The following DCAF4 variants were observed in gnomAD, a reference collection of about 807,000 sequenced individuals.
DCAF4 encodes DDB1- and CUL4-associated factor 4.
A neutral mutation model predicts 60.9 loss-of-function variants in DCAF4; 37 were observed. That is an observed-to-expected ratio of 0.61 (90% CI 0.47 to 0.80). The LOEUF (loss-of-function observed/expected upper bound fraction) is 0.80, where lower values mean the gene tolerates loss of function less well. DCAF4 is among the 30% of genes least tolerant of loss of function. The pLI, the probability that DCAF4 is intolerant of heterozygous loss-of-function variation, is 0.00. For missense variants in DCAF4, 577 were observed against 650.0 expected (o/e 0.89, Z 1.22); for synonymous variants, 243 against 254.8 (o/e 0.95, Z 0.44).
At position 72,954,417 on chromosome 14, in the gene DCAF4, G is replaced by C; in HGVS notation, c.939G>C (p.Val313=). The C allele has an allele frequency of 1.2e-6, 2 of 1,614,168 alleles. No individual in the cohort carries two copies. The highest frequency in any genetic ancestry group is 1.7e-6 in the Non-Finnish European group (2 of 1,180,030). ...GLSRRVLLTN[V]VTGHRQSFGT... ...CTCGGCGGGTCCTGTTGACCAACGT[G>C]GTGACGGGACACCGGCAGTCCTTTG... The change falls in exon 11 of 14, where the codon GTG becomes GTC. Residue 313 remains valine (V), a synonymous_variant. Transcript: ENST00000358377.
chr14:72,947,103 T>C, intron 7 of DCAF4, 39 bp from the exon 8 acceptor site: 1 of 1,613,578 alleles, frequency 6.2e-7, no homozygotes, highest in Non-Finnish European at 8.5e-7. Flanking sequence ...CATATTACTG[T>C]AGAATAACTT....
At chr14:72,954,111 C>T (rs1891945595) in intron 9 of DCAF4, 53 bp from the exon 10 acceptor site, 1 of 1,594,576 alleles carries the variant, frequency 6.3e-7, no homozygotes, top group African/African-American at 1.3e-5. Flanking sequence ...CCCAGTGGTC[C>T]CTGGCCTGCC....
chr14:72,954,557 CCTCTG>C, intron 11 of DCAF4, 74 bp downstream of exon 11: 2 of 833,982 alleles, frequency 2.4e-6, no homozygotes, highest in East Asian at 1.6e-4. Context: ...AAATTGGACT[CCTCTG>C]TGTGCCATCT....
intron 9 of DCAF4, among the ~76,000 whole-genome samples, 157 bp downstream of exon 9, chr14:72,952,034 C>T (rs1431242009): frequency 1.3e-5 from 2 of 151,762 alleles, no homozygotes; most frequent in South Asian, 2.1e-4. Flanking sequence ...GTTTTTTTTA[C>T]AGCATCTGCC....
intron 6 of DCAF4, among the ~76,000 whole-genome samples, chr14:72,944,694 TG>T (rs1266671689): frequency 6.6e-6 from 1 of 151,100 alleles, no homozygotes; most frequent in Non-Finnish European, 1.5e-5. Flanking sequence ...CGGGAGGCTA[TG>T]GTGGGAGTAT....
rs752249688 is a variant in DCAF4 at position 72,951,862 on chromosome 14, G to A, written c.793G>A (p.Val265Ile). The A allele has an allele frequency of 2.4e-5, 39 of 1,613,986 alleles. No homozygotes were observed. The highest frequency in any genetic ancestry group is 1.6e-4 in the South Asian group (15 of 91,080). ...CATLLPASLF[V>I]NSHPGIDRPG... The stretch of plus-strand genomic sequence containing the variant: ...CACCCTGCTCCCAGCATCACTGTTC[G>A]TCAATAGTCACCCAGGTACAGGGTT... Residue 265 changes from valine to isoleucine, a missense_variant, in exon 9 of 14, where the codon GTC becomes ATC. Physicochemically the swap from Val to Ile is conservative, Grantham distance 29. Transcript: ENST00000358377.
intron 1 of DCAF4, among the ~76,000 whole-genome samples, chr14:72,928,706 C>T (rs867836893): frequency 2.6e-5 from 4 of 151,892 alleles, no homozygotes; most frequent in Non-Finnish European, 5.9e-5. Flanking sequence ...GCAACCATCA[C>T]CACTGTCTAA....
intron 8 of DCAF4, among the ~76,000 whole-genome samples, chr14:72,950,244 G>A (rs899205671): frequency 5.3e-5 from 8 of 152,306 alleles, no homozygotes; most frequent in Middle Eastern, 3.4e-3. Flanking sequence ...GACTAAGGGC[G>A]GTGGTGAGGG....
rs1157811892 is a variant in DCAF4 at position 72,953,826 on chromosome 14, G to GTGTA, written c.809-336_809-333dup. ...TGTGTGTGTGTGTGTGTGTGTGTGTGTGTATATACACACACACTTGCCTGA... is the reference window on the plus strand; with the variant it reads ...TGTGTGTGTGTGTGTGTGTGTGTGTGTGTATGTATATACACACACACTTGCCTGA... On this transcript the variant is annotated intron_variant, in intron 9 of 13. Coordinates refer to ENST00000358377, the MANE Select transcript of DCAF4 (RefSeq NM_015604.4). 9.8e-3 allele frequency among the ~76,000 whole-genome samples: 848 copies of GTGTA among 86,582 alleles called. 60 individuals carry two copies. Among genetic ancestry groups the GTGTA allele is most frequent in the African/African-American group, 0.036 (795 of 22,040 alleles). 56.8% of individuals were successfully genotyped at this position (86,582 alleles called of 152,430 possible).
chr14:72,940,547 C>A, intron 4 of DCAF4, 170 bp downstream of exon 4: 1 of 583,196 alleles, frequency 1.7e-6, no homozygotes, highest in Non-Finnish European at 2.8e-6. Flanking sequence ...TAAGAACAGC[C>A]AAGAGCCCCC....
chr14:72,937,385 T>C (rs1289497814), intron 1 of DCAF4, among the ~76,000 whole-genome samples: 2 of 150,832 alleles, frequency 1.3e-5, no homozygotes, highest in African/African-American at 4.9e-5. Flanking sequence ...AAGTTAGGGG[T>C]TTCATGCCTG....
chr14:72,930,453 G>C (rs1014332399), intron 1 of DCAF4, among the ~76,000 whole-genome samples: 6 of 152,142 alleles, frequency 3.9e-5, no homozygotes, highest in Admixed American at 1.3e-4. Context: ...ATTTTTAGTA[G>C]AGACGGGGCT....
chr14:72,951,037 G>A (rs930822143), intron 8 of DCAF4, among the ~76,000 whole-genome samples: 30 of 152,018 alleles, frequency 2.0e-4, no homozygotes, highest in African/African-American at 5.3e-4. Flanking sequence ...CTGGAGTGCG[G>A]TCACATGATC....
rs11288108 is a variant in DCAF4 at position 72,937,410 on chromosome 14, C to CTTT, written c.-8-543_-8-541dup. Among the ~76,000 whole-genome samples the CTTT allele has an allele frequency of 3.3e-3, 345 of 105,720 alleles. 6 individuals are homozygous for CTTT. Among genetic ancestry groups the CTTT allele is most frequent in the Middle Eastern group, 6.1e-3 (1 of 164 alleles). 69.4% of individuals were successfully genotyped at this position (105,720 alleles called of 152,430 possible). ...TTTCATGCCTGGCAATTTTTCTTTT[C>CTTT]TTTTTTTTTTTTTTTTTTTTGAGAT... On this transcript the variant is annotated intron_variant, in intron 1 of 13. Transcript: ENST00000358377.
chr14:72,951,689 G>T, intron 8 of DCAF4, 109 bp from the exon 9 acceptor site: 2 of 929,590 alleles, frequency 2.2e-6, no homozygotes, highest in Admixed American at 1.8e-5. Context: ...GGACGGTGGG[G>T]GTTACTCTGG....
chr14:72,950,784 T>C (rs1047968081), intron 8 of DCAF4, among the ~76,000 whole-genome samples: 1 of 149,096 alleles, frequency 6.7e-6, no homozygotes, highest in African/African-American at 2.5e-5. Context: ...GGTAGTGAGA[T>C]ATTCCATGCA....
chr14:72,941,647 G>C, intron 4 of DCAF4, 98 bp from the exon 5 acceptor site: 1 of 1,189,146 alleles, frequency 8.4e-7, no homozygotes, highest in Non-Finnish European at 1.2e-6. Flanking sequence ...TTTAGTGCCT[G>C]TTTCCTTCAT....
intron 9 of DCAF4, among the ~76,000 whole-genome samples, chr14:72,953,086 C>T (rs1404457489): frequency 4.7e-5 from 7 of 148,352 alleles, no homozygotes; most frequent in African/African-American, 1.7e-4. Flanking sequence ...CCGCAACCTC[C>T]GCCTCTGGGG....
At chr14:72,928,291 T>A (rs1203667503) in intron 1 of DCAF4, among the ~76,000 whole-genome samples, 1 of 143,468 alleles carries the variant, frequency 7.0e-6, no homozygotes, top group Non-Finnish European at 1.5e-5. Context: ...CCTCCCAGGT[T>A]TAAGGGATTC....
Sources: allele counts gnomAD v4.1 joint callset (sites outside exome capture counted in the v4.1 genomes callset), GRCh38; gene constraint gnomAD v4.1.1; transcripts MANE v1.5; gene names NCBI Gene and HGNC (gene_info 2026-07-23, HGNC 2026-07-21).